The following MED27 variants were observed in gnomAD, a reference collection of about 807,000 sequenced individuals.
MED27 encodes mediator of RNA polymerase II transcription subunit 27.
A neutral mutation model predicts 38.2 loss-of-function variants in MED27; 30 were observed. The observed-to-expected ratio is 0.79, with a 90% CI of 0.59 to 1.07. The LOEUF is 1.07. Ranked by LOEUF, MED27 falls within the 50% of genes least tolerant of loss-of-function variation. The pLI is 0.00. For synonymous variants in MED27, 122 were observed against 153.5 expected (o/e 0.79, Z 1.52); for missense variants, 289 against 397.5 (o/e 0.73, Z 2.32).
chr9:131,977,201 C>T (rs2131022191), intron 3 of MED27, among the ~76,000 whole-genome samples: 1 of 152,238 alleles, frequency 6.6e-6, no homozygotes, highest in South Asian at 2.1e-4. Flanking sequence ...GCCTGAAGCC[C>T]CTACGCAGAG....
chr9:131,894,037 C>A, intron 4 of MED27, 45 bp from the exon 5 acceptor site: 2 of 1,497,536 alleles, frequency 1.3e-6, no homozygotes, highest in Non-Finnish European at 1.9e-6. Context: ...GCAAATCACA[C>A]AAAGTTGGGC....
At chr9:131,924,371 A>G (rs1159830242) in intron 4 of MED27, among the ~76,000 whole-genome samples, 1 of 152,140 alleles carries the variant, frequency 6.6e-6, no homozygotes, top group Non-Finnish European at 1.5e-5. Context: ...TCTCATATAT[A>G]TATTTAAAAT....
At chr9:131,945,335 A>T (rs1324201002) in intron 3 of MED27, among the ~76,000 whole-genome samples, 1 of 151,882 alleles carries the variant, frequency 6.6e-6, no homozygotes, top group Non-Finnish European at 1.5e-5. Context: ...TATATTTATC[A>T]TGTACAACCT....
chr9:132,042,045 G>A (rs894219658), intron 2 of MED27, among the ~76,000 whole-genome samples: 1 of 152,202 alleles, frequency 6.6e-6, no homozygotes, highest in Non-Finnish European at 1.5e-5. Flanking sequence ...GACAAAGTAC[G>A]TGATCTAGAG....
At chr9:132,039,106 C>T (rs1047545707) in intron 2 of MED27, among the ~76,000 whole-genome samples, 4 of 152,110 alleles carry the variant, frequency 2.6e-5, no homozygotes, top group Admixed American at 2.6e-4. Flanking sequence ...TTCCATAAAC[C>T]AAAATGACTC....
At chr9:131,957,067 C>T (rs989803621) in intron 3 of MED27, among the ~76,000 whole-genome samples, 8 of 152,306 alleles carry the variant, frequency 5.3e-5, no homozygotes, top group Admixed American at 6.5e-5. Flanking sequence ...AAGGAGACGT[C>T]GCATTCGCTG....
chr9:132,055,662 AGGTAAAGCATCTGGACTAAT>A (rs1833560408), intron 2 of MED27, among the ~76,000 whole-genome samples: 1 of 152,236 alleles, frequency 6.6e-6, no homozygotes, highest in Non-Finnish European at 1.5e-5. Flanking sequence ...ACATTAGGAC[AGGTAAAGCATCTGGACTAAT>A]ATCAGTATTG....
chr9:132,047,441 G>GACACACACACACACACACAC (rs56144736), intron 2 of MED27, among the ~76,000 whole-genome samples: 9 of 145,156 alleles, frequency 6.2e-5, no homozygotes, highest in Non-Finnish European at 7.5e-5. Flanking sequence ...TAATGTTTTA[G>GACACACACACACACACACAC]ACACACACAC....
chr9:131,969,970 G>A (rs931683658), intron 3 of MED27, among the ~76,000 whole-genome samples: 1 of 152,186 alleles, frequency 6.6e-6, no homozygotes, highest in Non-Finnish European at 1.5e-5. Flanking sequence ...GAGGGCTGGG[G>A]GGGGGTGGGG....
intron 3 of MED27, among the ~76,000 whole-genome samples, chr9:131,958,211 C>T (rs1831144409): frequency 6.6e-6 from 1 of 150,770 alleles, no homozygotes; most frequent in African/African-American, 2.4e-5. Flanking sequence ...CAGCACTAAT[C>T]TCAAATATTA....
intron 2 of MED27, among the ~76,000 whole-genome samples, chr9:132,024,666 G>C (rs1229633581): frequency 6.6e-6 from 1 of 152,216 alleles, no homozygotes; most frequent in Non-Finnish European, 1.5e-5. Context: ...TCATACAACT[G>C]TGGAAGACAA....
intron 3 of MED27, among the ~76,000 whole-genome samples, chr9:132,000,560 T>C (rs796911071): frequency 5.9e-5 from 9 of 152,300 alleles, no homozygotes; most frequent in African/African-American, 2.2e-4. Context: ...ACATGTATGT[T>C]CATACTGGCT....
chr9:131,910,833 G>T (rs1018856440), intron 4 of MED27, among the ~76,000 whole-genome samples: 3 of 152,116 alleles, frequency 2.0e-5, no homozygotes, highest in Non-Finnish European at 4.4e-5. Flanking sequence ...TCCCCTCCTG[G>T]ACTGGTGCGG....
intron 3 of MED27, among the ~76,000 whole-genome samples, chr9:131,986,999 ATTTTTTTTTTTT>A (rs66519112): frequency 1.9e-4 from 9 of 46,256 alleles, no homozygotes; most frequent in Admixed American, 1.4e-3. Context: ...GAGTTCATGG[ATTTTTTTTTTTT>A]TTTTTTTTTT....
chr9:131,972,439 T>C (rs909638134), intron 3 of MED27, among the ~76,000 whole-genome samples: 2 of 152,156 alleles, frequency 1.3e-5, no homozygotes, highest in South Asian at 2.1e-4. Context: ...CCTAAGGCAG[T>C]AGACAGCAAA....
chr9:131,955,063 G>A (rs986938484), intron 3 of MED27, among the ~76,000 whole-genome samples: 2 of 151,912 alleles, frequency 1.3e-5, no homozygotes, highest in Non-Finnish European at 2.9e-5. Context: ...ACCATAAGCC[G>A]GGTCTCGAAA....
chr9:131,898,688 G>A (rs1415309671), intron 4 of MED27, among the ~76,000 whole-genome samples: 2 of 151,674 alleles, frequency 1.3e-5, no homozygotes, highest in African/African-American at 2.4e-5. Context: ...AAGTTCAAGC[G>A]ATTCTCCTTC....
At chr9:131,971,353 A>G (rs1424982213) in intron 3 of MED27, among the ~76,000 whole-genome samples, 1 of 152,214 alleles carries the variant, frequency 6.6e-6, no homozygotes, top group East Asian at 1.9e-4. Context: ...GAAGCTTAGC[A>G]AGGACAGGGG....
chr9:131,956,918 C>G (rs1431884190), intron 3 of MED27, among the ~76,000 whole-genome samples: 2 of 151,624 alleles, frequency 1.3e-5, no homozygotes, highest in African/African-American at 2.4e-5. Flanking sequence ...CAAGGACATG[C>G]CAATCTTCAG....
Sources: gnomAD v4.1 joint callset for allele counts (sites outside exome capture counted in the v4.1 genomes callset) on GRCh38, gnomAD v4.1.1 for gene constraint, MANE v1.5 for transcripts, NCBI Gene and HGNC (gene_info 2026-07-23, HGNC 2026-07-21) for gene names.